Variants in UBE4B observed in about 807,000 individuals in gnomAD.
UBE4B encodes ubiquitin conjugation factor E4 B.
In UBE4B, 27 loss-of-function variants were observed where a neutral mutation model predicts 148.1. The observed-to-expected ratio is 0.18, with a 90% CI of 0.13 to 0.25. The LOEUF is 0.25. Among genes scored for constraint, UBE4B ranks in the 10% least tolerant of loss-of-function variants. UBE4B has a pLI of 1.00. For synonymous variants in UBE4B, 596 were observed against 619.3 expected (o/e 0.96, Z 0.56); for missense variants, 1,170 against 1,662.4 (o/e 0.70, Z 5.15).
intron 17 of UBE4B, among the ~76,000 whole-genome samples, chr1:10,142,391 G>A (rs1176642180): frequency 6.6e-6 from 1 of 152,138 alleles, no homozygotes; most frequent in Non-Finnish European, 1.5e-5. Flanking sequence ...TCCTAAAATC[G>A]GCCCAGCGCA....
chr1:10,094,202 A>G (rs2101871961), intron 2 of UBE4B, among the ~76,000 whole-genome samples: 1 of 152,304 alleles, frequency 6.6e-6, no homozygotes, highest in Non-Finnish European at 1.5e-5. Context: ...TCCCTGTACT[A>G]GTGACTACAG....
In UBE4B at chr1:10,180,036, C is replaced by T. The variant is rs1046277; in HGVS notation, c.*80C>T. 122,865 of 1,585,270 alleles carry T rather than the reference C, an allele frequency of 0.078. 7,314 individuals carry two copies. Among genetic ancestry groups the T allele is most frequent in the African/African-American group, 0.32 (23,725 of 74,188 alleles). On this transcript the variant is annotated 3_prime_UTR_variant, in exon 28 of 28. Transcript: ENST00000343090. Reference sequence around the variant, plus strand: ...GAAGCAGCGGCCGCAGCGAAGCTGCCGTTCATGTGTTGGAGGCCAAATGTG... The same window carrying T: ...GAAGCAGCGGCCGCAGCGAAGCTGCTGTTCATGTGTTGGAGGCCAAATGTG...
At chr1:10,103,183 A>G (rs917857610) in intron 5 of UBE4B, 91 bp downstream of exon 5, 12 of 1,366,330 alleles carry the variant, frequency 8.8e-6, no homozygotes, top group African/African-American at 1.4e-5. Context: ...CATTCACTCC[A>G]TCTTGCTCTT....
chr1:10,153,992 G>T (rs1244336937), intron 21 of UBE4B, among the ~76,000 whole-genome samples: 1 of 152,218 alleles, frequency 6.6e-6, no homozygotes, highest in Non-Finnish European at 1.5e-5. Context: ...TGAGGCAGGA[G>T]AATCACTTGA....
Position 10,106,470 on chromosome 1 carries a change from A to G in UBE4B, c.1083A>G (p.Gln361=), listed in dbSNP as rs1467699379. The G allele has an allele frequency of 1.2e-6, 2 of 1,613,830 alleles. No homozygotes were observed. Among genetic ancestry groups the G allele is most frequent in the Admixed American group, 1.7e-5 (1 of 59,982 alleles). The change falls in exon 7 of 28, where the codon CAA becomes CAG. Residue 361 remains glutamine (Q), a synonymous_variant. Coordinates refer to ENST00000343090, the MANE Select transcript of UBE4B (RefSeq NM_001105562.3). The surrounding 1 kb of genome is among the most constrained non-coding windows in gnomAD (Gnocchi z 4.2). Reference sequence around the variant, plus strand: ...CCCCTGCCCTCGCCAGTAGCCCCCAAGCAGTGCCCGCCAGCAGTTCCAGAC... The same window carrying G: ...CCCCTGCCCTCGCCAGTAGCCCCCAGGCAGTGCCCGCCAGCAGTTCCAGAC... The part of the protein sequence containing the change: ...PSPPALASSP[Q]AVPASSSRQR...
At chr1:10,111,036 C>T (rs1645209391) in intron 7 of UBE4B, among the ~76,000 whole-genome samples, 1 of 144,018 alleles carries the variant, frequency 6.9e-6, no homozygotes, top group Non-Finnish European at 1.5e-5. Flanking sequence ...CTGTCTTTCT[C>T]TGTCTCTGAC....
At chr1:10,109,243 T>C (rs955044175) in intron 7 of UBE4B, among the ~76,000 whole-genome samples, 5 of 151,992 alleles carry the variant, frequency 3.3e-5, no homozygotes, top group African/African-American at 9.7e-5. Flanking sequence ...GTCAAAATCA[T>C]AGAAATGCAT....
chr1:10,178,495 T>G, intron 25 of UBE4B, 149 bp from the exon 26 acceptor site: 1 of 661,850 alleles, frequency 1.5e-6, no homozygotes, highest in Non-Finnish European at 2.4e-6. Flanking sequence ...TAAAGACGGA[T>G]ATATAAAATA....
rs755122750 is a variant in UBE4B, at chr1:10,126,794, A to G, written c.1555A>G (p.Ile519Val). The change falls in exon 11 of 28, where the codon ATA (isoleucine) becomes GTA (valine). Residue 519 changes from isoleucine to valine, a missense_variant and splice_region_variant. Coordinates refer to ENST00000343090, the MANE Select transcript of UBE4B (RefSeq NM_001105562.3). ...THQDEEVFKQ[I>V]FIPILQGLAL... ...TCTGATTTTGTTTTTTTTCTTATAG[A>G]TATTTATCCCCATTTTACAAGGCCT... 1.2e-6 allele frequency: 2 copies of G among 1,612,628 alleles called. No homozygotes were observed. Among genetic ancestry groups the G allele is most frequent in the South Asian group, 2.2e-5 (2 of 90,924 alleles).
chr1:10,053,323 G>A lies in UBE4B; in HGVS notation c.25-18705G>A, dbSNP rs1570786189. On this transcript the variant is annotated intron_variant, in intron 1 of 27. Coordinates refer to ENST00000343090, the MANE Select transcript of UBE4B (RefSeq NM_001105562.3). ...ACCACCATGCCCGGCTAATTTTTTT[G>A]TATTTTTAGTAGAGACGGGGTTTCA... Among the ~76,000 whole-genome samples the A allele has an allele frequency of 4.6e-5, 7 of 151,718 alleles. No homozygotes were observed. The East Asian group carries it at 1.4e-3, about 30-fold the overall frequency.
intron 23 of UBE4B, among the ~76,000 whole-genome samples, chr1:10,167,467 A>G (rs923184925): frequency 2.0e-5 from 3 of 150,376 alleles, no homozygotes. Context: ...AATAATAATA[A>G]TAATAATGAC....
At chr1:10,166,604 A>T (rs1213931570) in intron 23 of UBE4B, among the ~76,000 whole-genome samples, 1 of 152,080 alleles carries the variant, frequency 6.6e-6, no homozygotes, top group Non-Finnish European at 1.5e-5. Flanking sequence ...CCTGATCAAC[A>T]TAGTGAAACC....
Position 10,168,340 on chromosome 1 carries a change from A to G in UBE4B, c.3333+70A>G. The G allele has an allele frequency of 6.5e-7, 1 of 1,547,606 alleles. No individual in the cohort carries two copies. Among genetic ancestry groups the G allele is most frequent in the South Asian group, 1.2e-5 (1 of 82,730 alleles). The stretch of plus-strand genomic sequence containing the variant: ...TTCAGACTCTCTCACTTATAACTTT[A>G]GCAGTTGTTGAAGTTCTGGAAATTT... On this transcript the variant is annotated intron_variant, in intron 24 of 27. Coordinates refer to ENST00000343090, the MANE Select transcript of UBE4B (RefSeq NM_001105562.3). This position sits in a 1 kb window ranked among gnomAD's most constrained non-coding sequence, Gnocchi z 4.9.
intron 2 of UBE4B, among the ~76,000 whole-genome samples, chr1:10,091,544 A>C (rs1484500776): frequency 6.6e-6 from 1 of 152,042 alleles, no homozygotes; most frequent in African/African-American, 2.4e-5. Context: ...TCCTGGGCTC[A>C]AGCAATCCTT....
intron 7 of UBE4B, among the ~76,000 whole-genome samples, chr1:10,114,083 A>G (rs995489396): frequency 7.9e-5 from 12 of 151,850 alleles, no homozygotes; most frequent in South Asian, 4.1e-4. Flanking sequence ...AAAAAAGAAA[A>G]AAAAAAAAAA....
At chr1:10,118,591 G>C (rs886847370) in intron 8 of UBE4B, among the ~76,000 whole-genome samples, 3 of 151,374 alleles carry the variant, frequency 2.0e-5, no homozygotes, top group Non-Finnish European at 4.4e-5. Flanking sequence ...CGCAACCTCT[G>C]CCTCCTGGGT....
Position 10,151,565 on chromosome 1 carries a change from G to C in UBE4B, c.2926+4G>C, listed in dbSNP as rs373201711. The C allele has an allele frequency of 1.5e-4, 239 of 1,612,354 alleles. No individual in the cohort carries two copies. Among genetic ancestry groups the C allele is most frequent in the Non-Finnish European group, 2.0e-4 (234 of 1,178,874 alleles). ...TCCCTGATGAAGTTTTATACAGGTA[G>C]GTTGCTGGAACACAGTGTAGCACAT... On this transcript the variant is annotated splice_donor_region_variant and intron_variant, in intron 21 of 27. Coordinates refer to ENST00000343090, the MANE Select transcript of UBE4B (RefSeq NM_001105562.3).
chr1:10,046,786 G>A lies in UBE4B; in HGVS notation c.24+13092G>A, dbSNP rs1427597316. Among the ~76,000 whole-genome samples the A allele has an allele frequency of 3.3e-5, 5 of 152,276 alleles. No individual in the cohort carries two copies. The East Asian group carries it at 9.6e-4, about 29-fold the overall frequency. ...CAGCTTGCTTCTTGTGGATATTGAA[G>A]GAGTAGGCTTTTTCAACCCTACTTA... On this transcript the variant is annotated intron_variant, in intron 1 of 27. Transcript: ENST00000343090.
At chr1:10,133,585 G>A (rs1323034151) in intron 15 of UBE4B, among the ~76,000 whole-genome samples, 1 of 152,192 alleles carries the variant, frequency 6.6e-6, no homozygotes, top group African/African-American at 2.4e-5. Context: ...AAGAAGTGGA[G>A]CAACTTGTTT....
Sources: allele counts gnomAD v4.1 joint callset (sites outside exome capture counted in the v4.1 genomes callset), GRCh38; gene constraint gnomAD v4.1.1; non-coding constraint Gnocchi (gnomAD v3.1); transcripts MANE v1.5; gene names NCBI Gene and HGNC (gene_info 2026-07-23, HGNC 2026-07-21).